The following ARFIP1 variants were observed in gnomAD, a reference collection of about 807,000 sequenced individuals.
ARFIP1 encodes ARF interacting protein 1.
Under a neutral mutation model 42.5 loss-of-function variants are expected in ARFIP1, and 24 were observed. The observed-to-expected ratio is 0.57, with a 90% confidence interval of 0.41 to 0.80. ARFIP1 has a LOEUF of 0.80. Ranked by LOEUF, ARFIP1 falls within the 30% of genes least tolerant of loss-of-function variation. The pLI, the probability that ARFIP1 is intolerant of heterozygous loss-of-function variation, is 0.00. For missense variants in ARFIP1, 354 were observed against 434.0 expected (o/e 0.82, Z 1.64); for synonymous variants, 141 against 153.7 (o/e 0.92, Z 0.61).
At chr4:152,834,631 G>A (rs923599333) in intron 2 of ARFIP1, among the ~76,000 whole-genome samples, 3 of 152,184 alleles carry the variant, frequency 2.0e-5, no homozygotes, top group East Asian at 1.9e-4. Flanking sequence ...ACTGGTGCAC[G>A]GGATGGGCAC....
At chr4:152,838,668 A>G (rs1363202064) in intron 2 of ARFIP1, among the ~76,000 whole-genome samples, 1 of 152,160 alleles carries the variant, frequency 6.6e-6, no homozygotes, top group Non-Finnish European at 1.5e-5. Flanking sequence ...GATCAGTTCT[A>G]GGAGCTTTCT....
At chr4:152,866,683 G>A (rs962064955) in intron 3 of ARFIP1, among the ~76,000 whole-genome samples, 3 of 151,154 alleles carry the variant, frequency 2.0e-5, no homozygotes, top group Non-Finnish European at 4.4e-5. Flanking sequence ...AGGCGGAGAC[G>A]CTCCTCACTT....
intron 1 of ARFIP1, among the ~76,000 whole-genome samples, chr4:152,817,426 T>A (rs1330128128): frequency 6.6e-6 from 1 of 152,218 alleles, no homozygotes; most frequent in African/African-American, 2.4e-5. Context: ...AGAATGATGT[T>A]GGACTCTTAC....
intron 6 of ARFIP1, among the ~76,000 whole-genome samples, chr4:152,881,830 A>G (rs559653091): frequency 6.6e-6 from 1 of 152,298 alleles, no homozygotes; most frequent in South Asian, 2.1e-4. Context: ...ATACTTTGTC[A>G]CCTAAGAAAC....
At chr4:152,891,177 A>C (rs913188171) in intron 8 of ARFIP1, among the ~76,000 whole-genome samples, 2 of 152,214 alleles carry the variant, frequency 1.3e-5, no homozygotes, top group Non-Finnish European at 2.9e-5. Context: ...ATACCATCAC[A>C]TTGAGGGTGA....
At chr4:152,788,409 G>A (rs1730940539) in intron 1 of ARFIP1, among the ~76,000 whole-genome samples, 1 of 152,152 alleles carries the variant, frequency 6.6e-6, no homozygotes. Context: ...GCTGTGCACA[G>A]TGGCTCATGC....
chr4:152,802,613 T>A (rs541285272), intron 1 of ARFIP1, among the ~76,000 whole-genome samples: 17 of 135,074 alleles, frequency 1.3e-4, no homozygotes, highest in South Asian at 6.9e-4. Context: ...TAAAGAGCAA[T>A]GTAAATGTGT....
intron 1 of ARFIP1, among the ~76,000 whole-genome samples, chr4:152,812,072 T>C (rs1247985567): frequency 6.6e-6 from 1 of 152,256 alleles, no homozygotes; most frequent in African/African-American, 2.4e-5. Context: ...CATCGGTTTT[T>C]TATTTAAAGT....
intron 1 of ARFIP1, among the ~76,000 whole-genome samples, chr4:152,804,090 GTAATATATATTATATATAATATAAC>G (rs1728670579): frequency 2.2e-5 from 1 of 45,906 alleles, no homozygotes; most frequent in Non-Finnish European, 5.1e-5. Context: ...ATAATATAAC[GTAATATATATTATATATAATATAAC>G]ATGTATTATA....
chr4:152,835,249 GT>G (rs902242436), intron 2 of ARFIP1, among the ~76,000 whole-genome samples: 3 of 152,158 alleles, frequency 2.0e-5, no homozygotes, highest in African/African-American at 7.2e-5. Context: ...TTAAATATAA[GT>G]TCCAACTTTA....
At chr4:152,833,342 C>T (rs533013928) in intron 2 of ARFIP1, among the ~76,000 whole-genome samples, 30 of 151,966 alleles carry the variant, frequency 2.0e-4, no homozygotes, top group African/African-American at 7.2e-4. Context: ...AGTGAGATAT[C>T]AGTTCATACC....
Position 152,806,402 on chromosome 4 carries a change from C to T in ARFIP1, c.-9-23223C>T, listed in dbSNP as rs562823671. 8.5e-5 allele frequency among the ~76,000 whole-genome samples: 13 copies of T among 152,218 alleles called. No individual in the cohort carries two copies. The South Asian group carries it at 1.5e-3, about 17-fold the overall frequency. ...TGTGATCAGGGTCACACACACCTCC[C>T]GCCACCAGACTGGTATGGTATGGTT... is the stretch of plus-strand genomic sequence containing the variant. On this transcript the variant is annotated intron_variant, in intron 1 of 8. Transcript: ENST00000353617.
rs56845391 is a variant in ARFIP1, at chr4:152,795,820, A to ATTTTTTTTTTTTTTTTTTTTTT, written c.-10+15605_-10+15626dup. Reference sequence around the variant, plus strand: ...CGATTGTTACTTGAGGGCCCTTGTAATTTTTTTTTTTTTTTTTTTTTTTTT... The same window carrying ATTTTTTTTTTTTTTTTTTTTTT: ...CGATTGTTACTTGAGGGCCCTTGTAATTTTTTTTTTTTTTTTTTTTTTTTTTTTTTTTTTTTTTTTTTTTTTT... On this transcript the variant is annotated intron_variant, in intron 1 of 8. Coordinates refer to ENST00000353617, the MANE Select transcript of ARFIP1 (RefSeq NM_001025595.3). Among the ~76,000 whole-genome samples, 28 of 28,064 alleles carry ATTTTTTTTTTTTTTTTTTTTTT rather than the reference A, an allele frequency of 1.0e-3. 1 individual carries two copies. Among genetic ancestry groups the ATTTTTTTTTTTTTTTTTTTTTT allele is most frequent in the Non-Finnish European group, 1.3e-3 (21 of 16,220 alleles). The allele number at this position is 28,064 out of a possible 152,430, so 18.4% of individuals were successfully genotyped here. A position where few individuals can be genotyped will look rare whatever the true frequency, so the allele number is the denominator to read the frequency against.
intron 1 of ARFIP1, among the ~76,000 whole-genome samples, chr4:152,825,658 G>A (rs1391973298): frequency 6.6e-6 from 1 of 152,112 alleles, no homozygotes; most frequent in Non-Finnish European, 1.5e-5. Flanking sequence ...GACCCCAAAA[G>A]CAAATGCAAG....
chr4:152,793,666 T>C (rs1417415159), intron 1 of ARFIP1, among the ~76,000 whole-genome samples: 1 of 152,194 alleles, frequency 6.6e-6, no homozygotes, highest in Non-Finnish European at 1.5e-5. Context: ...CTGTTTGAGT[T>C]GCTATAAAGG....
At chr4:152,863,082 A>G (rs1187982836) in intron 2 of ARFIP1, among the ~76,000 whole-genome samples, 1 of 152,222 alleles carries the variant, frequency 6.6e-6, no homozygotes, top group African/African-American at 2.4e-5. Context: ...CAGTTAGGTT[A>G]ACTATTATCA....
intron 1 of ARFIP1, 50 bp from the exon 2 acceptor site, chr4:152,829,575 C>G: frequency 7.8e-7 from 1 of 1,281,252 alleles, no homozygotes; most frequent in Middle Eastern, 1.9e-4. Flanking sequence ...TGAATATAGT[C>G]TTTATGATTT....
At chr4:152,800,923 G>A (rs1000202950) in intron 1 of ARFIP1, among the ~76,000 whole-genome samples, 24 of 152,230 alleles carry the variant, frequency 1.6e-4, no homozygotes, top group African/African-American at 5.1e-4. Flanking sequence ...GTCTTATAGC[G>A]TGGGTACAAT....
At chr4:152,814,517 C>T (rs538542662) in intron 1 of ARFIP1, among the ~76,000 whole-genome samples, 1 of 152,082 alleles carries the variant, frequency 6.6e-6, no homozygotes, top group African/African-American at 2.4e-5. Context: ...TGAGACCAGC[C>T]TGGGCAACAT....
Sources: allele counts gnomAD v4.1 joint callset (sites outside exome capture counted in the v4.1 genomes callset), GRCh38; gene constraint gnomAD v4.1.1; transcripts MANE v1.5; gene names NCBI Gene and HGNC (gene_info 2026-07-23, HGNC 2026-07-21).